The following BLTP3B variants were observed in gnomAD, a reference collection of about 807,000 sequenced individuals.
BLTP3B encodes UHRF1 (ICBP90) binding protein 1-like.
At chr12:100,087,952 A>C in the BLTP3B span, among the ~76,000 whole-genome samples, 2 of 152,174 alleles carry the variant, frequency 1.3e-5, no homozygotes, top group Non-Finnish European at 2.9e-5. Flanking sequence ...AAATGACACA[A>C]TGGTAGTCAG....
At chr12:100,068,807 T>G in the BLTP3B span, among the ~76,000 whole-genome samples, 1 of 152,246 alleles carries the variant, frequency 6.6e-6, no homozygotes, top group Middle Eastern at 3.4e-3. Context: ...ATATCACCAT[T>G]CTCACTTCAA....
chr12:100,142,538 C>T, the BLTP3B span: 56 of 1,583,146 alleles, frequency 3.5e-5, no homozygotes, highest in Non-Finnish European at 4.6e-5. Context: ...AGGCTGACTC[C>T]AGTGCGGGCT....
chr12:100,071,769 A>G, the BLTP3B span, among the ~76,000 whole-genome samples: 1 of 152,330 alleles, frequency 6.6e-6, no homozygotes, highest in Admixed American at 6.5e-5. Context: ...CAGTCAAAAA[A>G]ATTCTCTACA....
At chr12:100,078,018 G>T in the BLTP3B span, among the ~76,000 whole-genome samples, 2 of 152,084 alleles carry the variant, frequency 1.3e-5, no homozygotes. Context: ...CTCCTGGGAA[G>T]CAACTAGGAA....
chr12:100,048,753 A>AGAGC, the BLTP3B span, among the ~76,000 whole-genome samples: 1 of 137,988 alleles, frequency 7.2e-6, no homozygotes, highest in Non-Finnish European at 1.5e-5. Flanking sequence ...AGAGAGAGAG[A>AGAGC]GAGAGAGAGT....
the BLTP3B span, among the ~76,000 whole-genome samples, chr12:100,101,256 T>A: frequency 6.6e-6 from 1 of 152,162 alleles, no homozygotes; most frequent in Non-Finnish European, 1.5e-5. Flanking sequence ...AACCTGGCCT[T>A]TAGTCAACTC....
the BLTP3B span, among the ~76,000 whole-genome samples, chr12:100,092,151 T>C: frequency 6.6e-6 from 1 of 152,158 alleles, no homozygotes; most frequent in Non-Finnish European, 1.5e-5. Context: ...CTTTCTCTTT[T>C]AGAGAAGAAT....
At chr12:100,039,441 A>G in the BLTP3B span, among the ~76,000 whole-genome samples, 7 of 152,230 alleles carry the variant, frequency 4.6e-5, no homozygotes, top group Non-Finnish European at 1.0e-4. Flanking sequence ...TTTTTTGCTC[A>G]ACACTCTAAC....
At chr12:100,116,547 A>C in the BLTP3B span, among the ~76,000 whole-genome samples, 1 of 152,124 alleles carries the variant, frequency 6.6e-6, no homozygotes, top group Non-Finnish European at 1.5e-5. Flanking sequence ...ACACCCATTC[A>C]TGAAAAAATA....
chr12:100,070,780 G>C, the BLTP3B span, among the ~76,000 whole-genome samples: 1 of 152,016 alleles, frequency 6.6e-6, no homozygotes, highest in East Asian at 1.9e-4. Flanking sequence ...GATCATTTGA[G>C]GCCTAGAGCT....
At chr12:100,040,166 G>A in the BLTP3B span, among the ~76,000 whole-genome samples, 1 of 152,114 alleles carries the variant, frequency 6.6e-6, no homozygotes, top group Non-Finnish European at 1.5e-5. Context: ...AACGAAAGAC[G>A]TGACATTACT....
chr12:100,101,537 A>G, the BLTP3B span, among the ~76,000 whole-genome samples: 1 of 152,254 alleles, frequency 6.6e-6, no homozygotes, highest in East Asian at 1.9e-4. Flanking sequence ...AATTAATGTG[A>G]ACGCAAAAAT....
the BLTP3B span, among the ~76,000 whole-genome samples, chr12:100,093,631 A>C: frequency 6.6e-6 from 1 of 152,324 alleles, no homozygotes; most frequent in East Asian, 1.9e-4. Context: ...TCTTTCATTT[A>C]TAAAGTAGGA....
chr12:100,112,747 A>G, the BLTP3B span, among the ~76,000 whole-genome samples: 1 of 151,544 alleles, frequency 6.6e-6, no homozygotes, highest in Non-Finnish European at 1.5e-5. Flanking sequence ...AAAAGCCAAG[A>G]ATCTCAGGAG....
the BLTP3B span, chr12:100,108,667 C>T: frequency 1.3e-6 from 1 of 767,590 alleles, no homozygotes; most frequent in Non-Finnish European, 2.0e-6. Flanking sequence ...TAATGTCCAT[C>T]AACGACAAAT....
the BLTP3B span, chr12:100,051,399 A>T: frequency 2.7e-5 from 13 of 490,126 alleles, no homozygotes; most frequent in African/African-American, 4.0e-5. Context: ...TGAATGTGCT[A>T]TAATTCAATA....
At chr12:100,107,073 C>G in the BLTP3B span, among the ~76,000 whole-genome samples, 9 of 151,750 alleles carry the variant, frequency 5.9e-5, 1 homozygote, top group Admixed American at 3.3e-4. Flanking sequence ...GGTGGATCAC[C>G]TGTCAGGAAT....
At chr12:100,119,017 G>A in the BLTP3B span, among the ~76,000 whole-genome samples, 2 of 152,108 alleles carry the variant, frequency 1.3e-5, no homozygotes, top group African/African-American at 4.8e-5. Flanking sequence ...CAGGAGAATT[G>A]CTTGAACTCA....
the BLTP3B span, among the ~76,000 whole-genome samples, chr12:100,141,584 G>A: frequency 2.6e-5 from 4 of 152,212 alleles, no homozygotes; most frequent in African/African-American, 9.6e-5. Flanking sequence ...TGTGGTATAA[G>A]ACAATCTGGG....
Sources: allele counts gnomAD v4.1 joint callset (sites outside exome capture counted in the v4.1 genomes callset), GRCh38; gene constraint gnomAD v4.1.1; transcripts MANE v1.5; gene names NCBI Gene and HGNC (gene_info 2026-07-23, HGNC 2026-07-21).